The following CBLB variants were observed in gnomAD, a reference collection of about 807,000 sequenced individuals.
CBLB encodes the protein Cbl proto-oncogene B, also known as E3 ubiquitin-protein ligase CBL-B.
In CBLB, 31 loss-of-function variants were observed where a neutral mutation model predicts 104.9. The observed-to-expected ratio is 0.30, with a 90% CI of 0.22 to 0.40. The LOEUF is 0.40. Among genes scored for constraint, CBLB ranks in the 10% least tolerant of loss-of-function variants. The pLI is 1.00. For missense variants in CBLB, 1,062 were observed against 1,214.6 expected (o/e 0.87, Z 1.87); for synonymous variants, 440 against 422.6 (o/e 1.04, Z -0.51).
chr3:105,786,128 A>C (rs1294758726), intron 3 of CBLB, among the ~76,000 whole-genome samples: 3 of 151,208 alleles, frequency 2.0e-5, no homozygotes, highest in Non-Finnish European at 4.4e-5. Context: ...TACTATGCTC[A>C]GTACAATCTT....
chr3:105,866,620 T>A (rs1451216659), intron 2 of CBLB, among the ~76,000 whole-genome samples: 2 of 152,248 alleles, frequency 1.3e-5, no homozygotes, highest in African/African-American at 4.8e-5. Flanking sequence ...TCATACTTAG[T>A]AAGGTAGGAT....
intron 3 of CBLB, among the ~76,000 whole-genome samples, chr3:105,793,625 G>GA (rs113949580): frequency 4.0e-5 from 6 of 150,504 alleles, no homozygotes; most frequent in Admixed American, 1.3e-4. Flanking sequence ...AGAATCTCAG[G>GA]AAAAAAAAAG....
At chr3:105,670,684 G>A in intron 17 of CBLB, 2 of 273,194 alleles carry the variant, frequency 7.3e-6, no homozygotes, top group South Asian at 8.3e-5. Context: ...ACAATGTATA[G>A]AAACTGTTCT....
chr3:105,691,773 C>T (rs1042033767), intron 13 of CBLB, among the ~76,000 whole-genome samples: 6 of 152,172 alleles, frequency 3.9e-5, no homozygotes, highest in Admixed American at 6.5e-5. Context: ...GAAGTTCCCA[C>T]TGGAGAATGA....
intron 12 of CBLB, 122 bp downstream of exon 12, chr3:105,701,972 T>C (rs2069189847): frequency 9.9e-7 from 1 of 1,011,966 alleles, no homozygotes; most frequent in Admixed American, 1.9e-5. Context: ...TTGGGGATAA[T>C]TAAAGACTTA....
chr3:105,861,087 G>T (rs906839374), intron 2 of CBLB, among the ~76,000 whole-genome samples: 2 of 151,694 alleles, frequency 1.3e-5, no homozygotes, highest in Admixed American at 1.3e-4. Flanking sequence ...TTTTCAAAAT[G>T]TGTCTTTCAT....
intron 3 of CBLB, among the ~76,000 whole-genome samples, chr3:105,778,028 A>G (rs2079688750): frequency 6.6e-6 from 1 of 152,198 alleles, no homozygotes; most frequent in South Asian, 2.1e-4. Context: ...CCAGAAATCA[A>G]TAGGTACATT....
rs554500876 is a variant in CBLB, at chr3:105,791,662, C to T, written c.420-15120G>A. 1.8e-3 allele frequency among the ~76,000 whole-genome samples: 270 copies of T among 152,242 alleles called. 1 individual carries two copies. The highest frequency in any genetic ancestry group is 4.9e-3 in the African/African-American group (202 of 41,542). The stretch of plus-strand genomic sequence containing the variant: ...ACTGAAGTTAAGCATTACATTTTTC[C>T]ATTAAGTTTTATGGAGCAAGATAAA... On this transcript the variant is annotated intron_variant, in intron 3 of 18. Transcript: ENST00000394030.
chr3:105,693,708 G>A (rs2068004658), intron 12 of CBLB, 120 bp from the exon 13 acceptor site: 2 of 720,902 alleles, frequency 2.8e-6, no homozygotes, highest in Non-Finnish European at 2.5e-6. Context: ...TAAGTGAAAT[G>A]TCATACAATT....
chr3:105,732,649 A>C (rs1216947059), intron 9 of CBLB, among the ~76,000 whole-genome samples: 1 of 152,180 alleles, frequency 6.6e-6, no homozygotes, highest in East Asian at 1.9e-4. Flanking sequence ...CAAAAGAAGA[A>C]GCAGGCCCTT....
chr3:105,671,932 A>G (rs1306828870), intron 17 of CBLB: 2 of 192,638 alleles, frequency 1.0e-5, no homozygotes, highest in Admixed American at 6.1e-5. Context: ...GCATGAGACA[A>G]TGTTGATCTT....
At chr3:105,791,510 T>C (rs1178326647) in intron 3 of CBLB, among the ~76,000 whole-genome samples, 1 of 152,156 alleles carries the variant, frequency 6.6e-6, no homozygotes, top group Non-Finnish European at 1.5e-5. Context: ...CAATAACCAA[T>C]CAAATACCAT....
At chr3:105,803,093 T>A (rs1191736332) in intron 3 of CBLB, among the ~76,000 whole-genome samples, 1 of 152,186 alleles carries the variant, frequency 6.6e-6, no homozygotes, top group African/African-American at 2.4e-5. Context: ...CACTCATGCA[T>A]AGTCATTTTA....
At chr3:105,859,702 T>C (rs939759947) in intron 2 of CBLB, among the ~76,000 whole-genome samples, 2 of 151,072 alleles carry the variant, frequency 1.3e-5, no homozygotes, top group Admixed American at 1.3e-4. Flanking sequence ...GTCCTCCTCC[T>C]ATAAATGTTA....
At chr3:105,815,396 T>C (rs941103270) in intron 3 of CBLB, among the ~76,000 whole-genome samples, 1 of 152,200 alleles carries the variant, frequency 6.6e-6, no homozygotes, top group African/African-American at 2.4e-5. Flanking sequence ...TATATTACAA[T>C]GGAATATCAA....
At chr3:105,671,687 TGGATAATGTAAGGCA>T (rs1490096020) in intron 17 of CBLB, 5 of 204,898 alleles carry the variant, frequency 2.4e-5, no homozygotes, top group Non-Finnish European at 5.0e-5. Context: ...AGTTTTTGAC[TGGATAATGTAAGGCA>T]GGATTTGAAG....
intron 9 of CBLB, among the ~76,000 whole-genome samples, chr3:105,722,940 A>G (rs2073094914): frequency 6.6e-6 from 1 of 152,194 alleles, no homozygotes; most frequent in African/African-American, 2.4e-5. Flanking sequence ...ATAAGAGTAG[A>G]TATCACAAAA....
upstream of CBLB, chr3:105,869,061 G>A: frequency 9.3e-7 from 1 of 1,073,704 alleles, no homozygotes; most frequent in Non-Finnish European, 1.2e-6. Flanking sequence ...GCGGGGCGGG[G>A]CGGGGGCGGG....
chr3:105,729,329 C>T (rs1455959449), intron 9 of CBLB, among the ~76,000 whole-genome samples: 1 of 151,984 alleles, frequency 6.6e-6, no homozygotes, highest in Non-Finnish European at 1.5e-5. Context: ...TCAGAGCATA[C>T]TACAGAACAT....
Sources: allele counts gnomAD v4.1 joint callset (sites outside exome capture counted in the v4.1 genomes callset), GRCh38; gene constraint gnomAD v4.1.1; transcripts MANE v1.5; gene names NCBI Gene and HGNC (gene_info 2026-07-23, HGNC 2026-07-21).